PDLIM5: variants seen among roughly 807,000 people sequenced by gnomAD.
PDLIM5 encodes PDZ and LIM domain protein 5.
A neutral mutation model predicts 64.2 loss-of-function variants in PDLIM5; 34 were observed. The observed-to-expected ratio is 0.53, with a 90% confidence interval of 0.40 to 0.71. The LOEUF (loss-of-function observed/expected upper bound fraction) is 0.71. PDLIM5 is among the 30% of genes least tolerant of loss of function. The pLI, the probability that PDLIM5 is intolerant of heterozygous loss-of-function variation, is 0.00. For synonymous variants in PDLIM5, 253 were observed against 269.1 expected (o/e 0.94, Z 0.59); for missense variants, 683 against 733.6 (o/e 0.93, Z 0.80).
chr4:94,637,678 G>C (rs1740680384), intron 8 of PDLIM5, among the ~76,000 whole-genome samples: 2 of 152,194 alleles, frequency 1.3e-5, no homozygotes, highest in Non-Finnish European at 2.9e-5. Flanking sequence ...AAAGGATAAG[G>C]TTTTACAGAA....
chr4:94,639,157 C>T (rs1740803509), intron 8 of PDLIM5, among the ~76,000 whole-genome samples: 1 of 152,008 alleles, frequency 6.6e-6, no homozygotes, highest in African/African-American at 2.4e-5. Context: ...GTGAAAACAG[C>T]CTGAGCATAC....
rs117620944 is a variant in PDLIM5 at position 94,592,468 on chromosome 4, A to G, written c.920+6024A>G. On this transcript the variant is annotated intron_variant, in intron 7 of 12. Transcript: ENST00000317968. Reference sequence around the variant, plus strand: ...TGCTGAGTAGCCTTTGGAAATGTGTAGGCTAATGTACAGACATTAAAAGGA... The same window carrying G: ...TGCTGAGTAGCCTTTGGAAATGTGTGGGCTAATGTACAGACATTAAAAGGA... 1.0e-3 allele frequency among the ~76,000 whole-genome samples: 157 copies of G among 152,354 alleles called. 1 individual carries two copies. The East Asian group carries it at 0.02, about 20-fold the overall frequency.
intron 2 of PDLIM5, among the ~76,000 whole-genome samples, chr4:94,494,792 AGGCTGGAGTGCAAT>A (rs1727224777): frequency 6.6e-6 from 1 of 151,678 alleles, no homozygotes; most frequent in Non-Finnish European, 1.5e-5. Context: ...CCTGTCACCC[AGGCTGGAGTGCAAT>A]GGTGCAATCT....
intron 3 of PDLIM5, among the ~76,000 whole-genome samples, chr4:94,524,706 A>C (rs1446994099): frequency 6.6e-6 from 1 of 152,196 alleles, no homozygotes; most frequent in Non-Finnish European, 1.5e-5. Flanking sequence ...CCATCATTTG[A>C]AACCTGCACC....
At chr4:94,574,105 T>C (rs1379337337) in intron 4 of PDLIM5, among the ~76,000 whole-genome samples, 2 of 152,216 alleles carry the variant, frequency 1.3e-5, no homozygotes, top group Non-Finnish European at 1.5e-5. Context: ...ATCTGAATGC[T>C]TCTGGTCCCA....
intron 8 of PDLIM5, among the ~76,000 whole-genome samples, chr4:94,629,257 G>A (rs1739948647): frequency 6.6e-6 from 1 of 152,088 alleles, no homozygotes; most frequent in South Asian, 2.1e-4. Context: ...GCTGAGGCAG[G>A]AGGATTGCTT....
At chr4:94,517,132 TA>T (rs1450092094) in intron 2 of PDLIM5, among the ~76,000 whole-genome samples, 1 of 152,212 alleles carries the variant, frequency 6.6e-6, no homozygotes, top group Non-Finnish European at 1.5e-5. Flanking sequence ...CAGTTGCTCG[TA>T]AAAACTTCAC....
At chr4:94,476,533 A>G (rs1456607326) in intron 2 of PDLIM5, among the ~76,000 whole-genome samples, 1 of 152,246 alleles carries the variant, frequency 6.6e-6, no homozygotes, top group Non-Finnish European at 1.5e-5. Flanking sequence ...GGACATTTTT[A>G]TGAATATTTG....
At chr4:94,454,403 A>G (rs1723141201) in intron 1 of PDLIM5, among the ~76,000 whole-genome samples, 1 of 151,716 alleles carries the variant, frequency 6.6e-6, no homozygotes, top group Admixed American at 6.6e-5. Flanking sequence ...ACTTAACAGC[A>G]GAACAGACAA....
At chr4:94,485,956 C>T (rs938808258) in intron 2 of PDLIM5, among the ~76,000 whole-genome samples, 2 of 151,646 alleles carry the variant, frequency 1.3e-5, no homozygotes, top group Non-Finnish European at 2.9e-5. Context: ...CAGTCAATTA[C>T]GAATTGGGAC....
intron 2 of PDLIM5, among the ~76,000 whole-genome samples, chr4:94,497,924 G>A (rs527401564): frequency 1.3e-5 from 2 of 152,282 alleles, no homozygotes; most frequent in East Asian, 3.9e-4. Flanking sequence ...AAGGAACTCA[G>A]GATACCTGTT....
chr4:94,502,586 GTAAGT>G (rs1560660301), intron 2 of PDLIM5, among the ~76,000 whole-genome samples: 2 of 152,056 alleles, frequency 1.3e-5, no homozygotes, highest in Admixed American at 6.6e-5. Context: ...ATGAGATTAA[GTAAGT>G]TAAGGCCGGG....
rs138807381 is a variant in PDLIM5, at chr4:94,564,631, C to T, written c.249-8720C>T. The stretch of plus-strand genomic sequence containing the variant: ...TCTGCCTCTCTCAAATGGATGTAAG[C>T]ACCTTCAAAGGAGGAATTTTGTCTC... On this transcript the variant is annotated intron_variant, in intron 3 of 12. Transcript: ENST00000317968. Among the ~76,000 whole-genome samples the T allele has an allele frequency of 1.1e-3, 163 of 148,552 alleles. 2 individuals are homozygous for T. Among genetic ancestry groups the T allele is most frequent in the Non-Finnish European group, 2.0e-3 (136 of 67,442 alleles).
At chr4:94,589,164 A>T (rs1175410644) in intron 7 of PDLIM5, among the ~76,000 whole-genome samples, 1 of 152,252 alleles carries the variant, frequency 6.6e-6, no homozygotes, top group Non-Finnish European at 1.5e-5. Flanking sequence ...CCTCATAAAA[A>T]TAAATGGTGT....
intron 11 of PDLIM5, among the ~76,000 whole-genome samples, chr4:94,660,690 T>G (rs962223777): frequency 6.6e-6 from 1 of 152,178 alleles, no homozygotes; most frequent in African/African-American, 2.4e-5. Flanking sequence ...TGCATGAATC[T>G]ATGCTGAGCA....
chr4:94,577,088 G>A (rs913318983), intron 5 of PDLIM5: 95 of 408,594 alleles, frequency 2.3e-4, no homozygotes, highest in South Asian at 3.9e-4. Flanking sequence ...GGAATTCAGG[G>A]ATGATACTTT....
intron 7 of PDLIM5, among the ~76,000 whole-genome samples, chr4:94,604,451 T>C (rs192579519): frequency 1.0e-3 from 157 of 152,176 alleles, no homozygotes; most frequent in Non-Finnish European, 1.7e-3. Flanking sequence ...CTGACCAACA[T>C]GGAGAAACCC....
chr4:94,545,285 C>T (rs1732208860), intron 3 of PDLIM5, among the ~76,000 whole-genome samples: 1 of 152,160 alleles, frequency 6.6e-6, no homozygotes, highest in South Asian at 2.1e-4. Flanking sequence ...GAGCCTGCTC[C>T]TTTAAATTTT....
chr4:94,464,998 T>G (rs191170177), intron 2 of PDLIM5, among the ~76,000 whole-genome samples: 1 of 152,332 alleles, frequency 6.6e-6, no homozygotes, highest in Non-Finnish European at 1.5e-5. Flanking sequence ...CTTCCCATTA[T>G]CTTTTGAATT....
Sources: gnomAD v4.1 joint callset for allele counts (sites outside exome capture counted in the v4.1 genomes callset) on GRCh38, gnomAD v4.1.1 for gene constraint, MANE v1.5 for transcripts, NCBI Gene and HGNC (gene_info 2026-07-23, HGNC 2026-07-21) for gene names.